Variants in RNF144A observed in about 807,000 individuals in gnomAD.
RNF144A encodes E3 ubiquitin-protein ligase RNF144A.
In RNF144A, 11 loss-of-function variants were observed where a neutral mutation model predicts 38.7. The ratio of observed to expected loss-of-function variants is 0.28; its 90% CI spans 0.18 to 0.47. The LOEUF (loss-of-function observed/expected upper bound fraction) is 0.47. RNF144A is among the 20% of genes least tolerant of loss of function. The probability of loss-of-function intolerance (pLI) is 0.99; values close to 1 mark genes in which losing one functional copy is unlikely to be tolerated. For missense variants in RNF144A, 316 were observed against 377.2 expected (o/e 0.84, Z 1.34); for synonymous variants, 149 against 143.9 (o/e 1.04, Z -0.25).
At chr2:6,994,911 T>A (rs1237350548) in intron 2 of RNF144A, among the ~76,000 whole-genome samples, 1 of 152,204 alleles carries the variant, frequency 6.6e-6, no homozygotes, top group Non-Finnish European at 1.5e-5. Flanking sequence ...GCTTGAGCTC[T>A]GGTAGTCAGG....
At chr2:7,053,372 A>G (rs1673602075) in intron 6 of RNF144A, among the ~76,000 whole-genome samples, 1 of 152,224 alleles carries the variant, frequency 6.6e-6, no homozygotes, top group African/African-American at 2.4e-5. Flanking sequence ...AAATATGTTT[A>G]TCTCCCAGTT....
intron 6 of RNF144A, among the ~76,000 whole-genome samples, chr2:7,052,496 C>G (rs1053040474): frequency 6.6e-6 from 1 of 152,182 alleles, no homozygotes; most frequent in Non-Finnish European, 1.5e-5. Flanking sequence ...TCCACTGAAT[C>G]ATTGTGTTGG....
chr2:6,953,799 A>T (rs1259169300), intron 2 of RNF144A, among the ~76,000 whole-genome samples: 1 of 152,032 alleles, frequency 6.6e-6, no homozygotes, highest in Non-Finnish European at 1.5e-5. Context: ...CTACATTTTC[A>T]CTAGTTTTGC....
chr2:7,013,183 C>T (rs1261388131), intron 3 of RNF144A, among the ~76,000 whole-genome samples: 1 of 152,136 alleles, frequency 6.6e-6, no homozygotes, highest in Non-Finnish European at 1.5e-5. Context: ...TCTGTGTATT[C>T]TTCTATACTT....
intron 2 of RNF144A, among the ~76,000 whole-genome samples, chr2:6,986,699 A>G (rs904369575): frequency 1.3e-5 from 2 of 152,208 alleles, no homozygotes; most frequent in African/African-American, 4.8e-5. Flanking sequence ...TCTGTCTGAC[A>G]GAGAGACACA....
chr2:6,917,735 G>GCCTGCCCCGCTGGGT lies in RNF144A; in HGVS notation c.-212+123_-212+137dup, dbSNP rs1664215683. 1 of 148,798 alleles carries GCCTGCCCCGCTGGGT rather than the reference G, an allele frequency of 6.7e-6. No individual in the cohort carries two copies. Among genetic ancestry groups the GCCTGCCCCGCTGGGT allele is most frequent in the Non-Finnish European group, 1.5e-5 (1 of 66,812 alleles). 9.2% of individuals were successfully genotyped at this position (148,798 alleles called of 1,614,324 possible). On this transcript the variant is annotated intron_variant, in intron 1 of 8. Transcript: ENST00000320892. The surrounding 1 kb of genome is among the most constrained non-coding windows in gnomAD (Gnocchi z 4.8). ...CTTGGGGCTCGGGGCTTGCGGCCGC[G>GCCTGCCCCGCTGGGT]CCTGCCCCGCTGGGTCCTGCCCCGG...
chr2:6,948,542 G>A (rs1201450794), intron 2 of RNF144A, among the ~76,000 whole-genome samples: 2 of 152,214 alleles, frequency 1.3e-5, no homozygotes, highest in Non-Finnish European at 2.9e-5. Context: ...TCAAGATGAG[G>A]CAACGGGCCA....
At chr2:6,981,894 A>C (rs1668653303) in intron 2 of RNF144A, among the ~76,000 whole-genome samples, 1 of 152,210 alleles carries the variant, frequency 6.6e-6, no homozygotes. Context: ...GATTTAATTG[A>C]TTCACAGTTC....
Position 6,917,819 on chromosome 2 carries a change from A to G in RNF144A, c.-212+197A>G, listed in dbSNP as rs1240295408. Reference sequence around the variant, plus strand: ...GGGCGGGGACTCGCGGGCTCCGTTCAGAGGACGCCCGCCCTGCCCTGCCCG... The same window carrying G: ...GGGCGGGGACTCGCGGGCTCCGTTCGGAGGACGCCCGCCCTGCCCTGCCCG... On this transcript the variant is annotated intron_variant, in intron 1 of 8. Transcript: ENST00000320892. The surrounding 1 kb of genome is among the most constrained non-coding windows in gnomAD (Gnocchi z 4.8). Among the ~76,000 whole-genome samples the G allele has an allele frequency of 6.6e-6, 1 of 150,458 alleles. No individual in the cohort carries two copies. The highest frequency in any genetic ancestry group is 2.4e-5 in the African/African-American group (1 of 41,176).
In RNF144A at chr2:6,938,449, T is replaced by C. The variant is rs866491907; in HGVS notation, c.-211-2499T>C. On this transcript the variant is annotated intron_variant, in intron 1 of 8. Transcript: ENST00000320892. ...TTTTAGTAGAGATGGGATTTCACCA[T>C]GTTGGCCAGGCTGGTCTCAAACTCC... Among the ~76,000 whole-genome samples the C allele has an allele frequency of 8.7e-4, 133 of 152,176 alleles. 1 individual carries two copies. The highest frequency in any genetic ancestry group is 3.4e-3 in the Middle Eastern group (1 of 294).
rs1168647896 is a variant in RNF144A, at chr2:7,039,670, G to A, written c.789G>A (p.Val263=). 1 of 1,613,978 alleles carries A rather than the reference G, an allele frequency of 6.2e-7. No homozygotes were observed. Among genetic ancestry groups the A allele is most frequent in the South Asian group, 1.1e-5 (1 of 91,070 alleles). ...CAGGATTTGGGCTGCTGCTCTTGGT[G>A]GCCTCACCTTTCCTACTCCTGGCCA... ...IFAGFGLLLL[V]ASPFLLLATP... is the part of the protein sequence containing the mutation. The change falls in exon 9 of 9, where the codon GTG becomes GTA. Residue 263 remains valine, a synonymous_variant. Coordinates refer to ENST00000320892, the MANE Select transcript of RNF144A (RefSeq NM_014746.6).
chr2:6,967,941 T>C (rs1572290683), intron 2 of RNF144A, among the ~76,000 whole-genome samples: 1 of 152,374 alleles, frequency 6.6e-6, no homozygotes, highest in African/African-American at 2.4e-5. Flanking sequence ...CCTGTTTCAG[T>C]GGACCTTCTG....
chr2:6,940,591 T>C (rs934100706), intron 1 of RNF144A, among the ~76,000 whole-genome samples: 4 of 152,206 alleles, frequency 2.6e-5, no homozygotes, highest in Non-Finnish European at 4.4e-5. Context: ...ATTTTTCTCA[T>C]GATTGCCCTG....
At chr2:7,017,534 T>C (rs1387014608) in intron 5 of RNF144A, among the ~76,000 whole-genome samples, 2 of 152,156 alleles carry the variant, frequency 1.3e-5, no homozygotes, top group East Asian at 3.9e-4. Context: ...TTCTCTGTCA[T>C]GTACTTCTGA....
intron 2 of RNF144A, among the ~76,000 whole-genome samples, chr2:6,994,849 T>C (rs1396414651): frequency 6.6e-6 from 1 of 152,240 alleles, no homozygotes; most frequent in Non-Finnish European, 1.5e-5. Flanking sequence ...GCTGAAGGCC[T>C]GCGCAGATTC....
In RNF144A at chr2:6,989,624, A is replaced by G. The variant is rs75204764; in HGVS notation, c.-11-7292A>G. ...TTTTTTTAAATTGCATGCATTAAGG[A>G]TCACCCTTTGTAAAGTTCTGTTTTA... On this transcript the variant is annotated intron_variant, in intron 2 of 8. Coordinates refer to ENST00000320892, the MANE Select transcript of RNF144A (RefSeq NM_014746.6). 2.5e-3 allele frequency among the ~76,000 whole-genome samples: 387 copies of G among 152,114 alleles called. 1 individual carries two copies. The highest frequency in any genetic ancestry group is 8.9e-3 in the African/African-American group (369 of 41,484).
intron 2 of RNF144A, among the ~76,000 whole-genome samples, chr2:6,953,368 G>A (rs1666806948): frequency 6.6e-6 from 1 of 152,186 alleles, no homozygotes; most frequent in Admixed American, 6.5e-5. Flanking sequence ...GGTGGAGGTT[G>A]CAGTGAGCCA....
In RNF144A at chr2:7,042,799, C is replaced by T. The variant is rs1405650456; in HGVS notation, c.*3039C>T. 10 of 985,278 alleles carry T rather than the reference C, an allele frequency of 1.0e-5. No individual in the cohort carries two copies. The highest frequency in any genetic ancestry group is 1.2e-5 in the Non-Finnish European group (10 of 829,864). 61.0% of individuals were successfully genotyped at this position (985,278 alleles called of 1,614,324 possible). On this transcript the variant is annotated 3_prime_UTR_variant, in exon 9 of 9. Coordinates refer to ENST00000320892, the MANE Select transcript of RNF144A (RefSeq NM_014746.6). ...GCAGGAATAACTGTCCAAATTAGTT[C>T]TTCCTCCTCAACTCATAGGAGTAGC...
rs1304978810 is a variant in RNF144A, at chr2:6,917,475, G to C, written c.-359G>C. The stretch of plus-strand genomic sequence containing the variant: ...TCCCCGCGCGGGCTCTCGGCAGGCG[G>C]GAGGCGGCAGGGCTGGCATTGCAGT... On this transcript the variant is annotated 5_prime_UTR_variant, in exon 1 of 9. Transcript: ENST00000320892. This position sits in a 1 kb window ranked among gnomAD's most constrained non-coding sequence, Gnocchi z 4.8. 4.1e-5 allele frequency: 6 copies of C among 147,274 alleles called. No homozygotes were observed. Among genetic ancestry groups the C allele is most frequent in the Non-Finnish European group, 9.1e-5 (6 of 66,162 alleles). 9.1% of individuals were successfully genotyped at this position (147,274 alleles called of 1,614,324 possible).
Sources: gnomAD v4.1 joint callset for allele counts (sites outside exome capture counted in the v4.1 genomes callset) on GRCh38, gnomAD v4.1.1 for gene constraint, Gnocchi (gnomAD v3.1) non-coding constraint, MANE v1.5 for transcripts, NCBI Gene and HGNC (gene_info 2026-07-23, HGNC 2026-07-21) for gene names.